Variants in DIAPH2 observed in about 807,000 individuals in gnomAD.
The protein encoded by DIAPH2 is protein diaphanous homolog 2.
DIAPH2 carries 35 observed loss-of-function variants against 92.7 expected under a neutral mutation model. That is an observed-to-expected ratio of 0.38 (90% CI 0.29 to 0.50). The LOEUF is 0.50. Ranked by LOEUF, DIAPH2 falls within the 20% of genes least tolerant of loss-of-function variation. The pLI, the probability that DIAPH2 is intolerant of heterozygous loss-of-function variation, is 0.94. For missense variants in DIAPH2, 701 were observed against 819.5 expected (o/e 0.86, Z 1.77); for synonymous variants, 301 against 280.4 (o/e 1.07, Z -0.73).
At chrX:97,518,703 T>A (rs1170919246) in intron 26 of DIAPH2, among the ~76,000 whole-genome samples, 1 of 110,976 alleles carries the variant, frequency 9.0e-6, no homozygotes, top group Admixed American at 9.6e-5. Flanking sequence ...ATAGCTTTAG[T>A]CCTTGAATGA....
chrX:96,725,213 A>G (rs966155421), intron 1 of DIAPH2, among the ~76,000 whole-genome samples: 1 of 112,053 alleles, frequency 8.9e-6, no homozygotes, highest in Admixed American at 9.5e-5. Flanking sequence ...ACAATGTGTT[A>G]TTTATTATTT....
intron 21 of DIAPH2, among the ~76,000 whole-genome samples, chrX:97,137,959 G>T (rs946298440): frequency 8.9e-6 from 1 of 112,117 alleles, no homozygotes; most frequent in African/African-American, 3.2e-5. Context: ...GGAATGAGAA[G>T]GGAACTTTCA....
chrX:97,045,848 A>ACTTTTTTTT (rs1239959717), intron 17 of DIAPH2, among the ~76,000 whole-genome samples: 5 of 64,419 alleles, frequency 7.8e-5, no homozygotes, highest in African/African-American at 2.4e-4. Flanking sequence ...GTATTTTAGG[A>ACTTTTTTTT]TTTTTTTTTT....
At chrX:96,976,375 G>C (rs2065962245) in intron 17 of DIAPH2, among the ~76,000 whole-genome samples, 1 of 110,380 alleles carries the variant, frequency 9.1e-6, no homozygotes, top group African/African-American at 3.3e-5. Context: ...ACCTGCCTCG[G>C]CCTCCCAAAG....
chrX:96,872,982 T>G (rs1334005366), intron 4 of DIAPH2, among the ~76,000 whole-genome samples: 1 of 111,848 alleles, frequency 8.9e-6, no homozygotes, highest in Non-Finnish European at 1.9e-5. Context: ...AATTGTTAGT[T>G]TTTTGAGGAA....
intron 9 of DIAPH2, among the ~76,000 whole-genome samples, chrX:96,930,207 T>A (rs1298348280): frequency 9.0e-6 from 1 of 111,067 alleles, no homozygotes; most frequent in East Asian, 2.8e-4. Flanking sequence ...AATTATATAT[T>A]TTAATACTTT....
At chrX:97,083,970 A>G (rs1602330438) in intron 19 of DIAPH2, among the ~76,000 whole-genome samples, 1 of 110,650 alleles carries the variant, frequency 9.0e-6, no homozygotes, top group Admixed American at 9.6e-5. Context: ...ATTGTTTTCC[A>G]CCTGTGAATA....
chrX:97,329,276 ATGTC>A (rs1297784860), intron 23 of DIAPH2, among the ~76,000 whole-genome samples: 1 of 112,305 alleles, frequency 8.9e-6, no homozygotes, highest in Non-Finnish European at 1.9e-5. Flanking sequence ...TGTCTTGACA[ATGTC>A]TGGGCATTTG....
At chrX:96,693,678 C>T (rs2063809695) in intron 1 of DIAPH2, among the ~76,000 whole-genome samples, 1 of 112,163 alleles carries the variant, frequency 8.9e-6, no homozygotes, top group South Asian at 3.7e-4. Context: ...CACACAGAGG[C>T]ACCATATGGG....
chrX:97,420,597 C>G (rs893414468), intron 25 of DIAPH2, among the ~76,000 whole-genome samples: 1 of 112,125 alleles, frequency 8.9e-6, no homozygotes, highest in African/African-American at 3.2e-5. Flanking sequence ...TGAATGAACT[C>G]TCTAACCGAC....
At chrX:97,165,899 A>C (rs1431882105) in intron 22 of DIAPH2, among the ~76,000 whole-genome samples, 1 of 105,896 alleles carries the variant, frequency 9.4e-6, no homozygotes, top group Admixed American at 1.0e-4. Flanking sequence ...CGTCTTCTCT[A>C]CTCTCTCTCT....
chrX:96,751,650 T>G lies in DIAPH2; in HGVS notation c.343-6504T>G, dbSNP rs1421290200. On this transcript the variant is annotated intron_variant, in intron 3 of 26. Coordinates refer to ENST00000324765, the MANE Select transcript of DIAPH2 (RefSeq NM_006729.5). ...AAATGGTCAACTAGACTTCAGTGTT[T>G]TGTTTTTTTTTTTTTTTTTTTGAGA... 3.3e-5 allele frequency among the ~76,000 whole-genome samples: 3 copies of G among 89,675 alleles called. 1 individual carries two copies. Among genetic ancestry groups the G allele is most frequent in the African/African-American group, 1.3e-4 (3 of 23,523 alleles). 77.9% of individuals were successfully genotyped at this position (89,675 alleles called of 115,157 possible).
intron 19 of DIAPH2, among the ~76,000 whole-genome samples, chrX:97,088,720 T>C (rs950761616): frequency 8.9e-6 from 1 of 112,161 alleles, no homozygotes; most frequent in African/African-American, 3.2e-5. Context: ...CAATGTCCTT[T>C]ATTGAATAAA....
At chrX:97,323,554 G>T (rs2068921246) in intron 23 of DIAPH2, among the ~76,000 whole-genome samples, 1 of 91,187 alleles carries the variant, frequency 1.1e-5, no homozygotes. Context: ...TCGCACCATT[G>T]CACTCCAGCC....
chrX:97,052,519 G>A (rs928162913), intron 17 of DIAPH2, among the ~76,000 whole-genome samples: 3 of 110,667 alleles, frequency 2.7e-5, no homozygotes, highest in African/African-American at 9.8e-5. Context: ...TAATTGTTAA[G>A]AAATTTGGAA....
At chrX:97,112,765 C>CTTTTTTTT (rs60721723) in intron 20 of DIAPH2, among the ~76,000 whole-genome samples, 96 of 37,242 alleles carry the variant, frequency 2.6e-3, no homozygotes, top group South Asian at 3.3e-3. Context: ...CCCTTTCTTT[C>CTTTTTTTT]TTTTTTTTTT....
chrX:97,008,813 G>C (rs1034895274), intron 17 of DIAPH2, among the ~76,000 whole-genome samples: 1 of 111,553 alleles, frequency 9.0e-6, no homozygotes, highest in Admixed American at 9.5e-5. Context: ...CCTGGAGCTG[G>C]GGAAGGGGTG....
At chrX:97,352,424 C>T (rs1279669092) in intron 24 of DIAPH2, among the ~76,000 whole-genome samples, 1 of 110,828 alleles carries the variant, frequency 9.0e-6, no homozygotes, top group African/African-American at 3.3e-5. Flanking sequence ...GTTAATATTC[C>T]TATTCTATAT....
chrX:96,933,006 T>G (rs1046364142), intron 10 of DIAPH2, among the ~76,000 whole-genome samples: 7 of 111,778 alleles, frequency 6.3e-5, no homozygotes, highest in Non-Finnish European at 1.3e-4. Context: ...ATCTCTTCAG[T>G]ATGCCCTGCT....
Sources: gnomAD v4.1 joint callset for allele counts (sites outside exome capture counted in the v4.1 genomes callset) on GRCh38, gnomAD v4.1.1 for gene constraint, MANE v1.5 for transcripts, NCBI Gene and HGNC (gene_info 2026-07-23, HGNC 2026-07-21) for gene names.